Variants in IKZF2 observed in about 807,000 individuals in gnomAD.
IKZF2 encodes the protein zinc finger protein Helios.
A neutral mutation model predicts 49.2 loss-of-function variants in IKZF2; 15 were observed. The observed-to-expected ratio is 0.30, with a 90% CI of 0.20 to 0.47. The LOEUF is 0.47. IKZF2 is among the 20% of genes least tolerant of loss of function. The probability of loss-of-function intolerance (pLI) is 1.00; values close to 1 mark genes in which losing one functional copy is unlikely to be tolerated. For missense variants in IKZF2, 567 were observed against 664.6 expected (o/e 0.85, Z 1.61); for synonymous variants, 227 against 221.4 (o/e 1.03, Z -0.23).
At chr2:213,012,670 A>C (rs568143811) in intron 8 of IKZF2, among the ~76,000 whole-genome samples, 1 of 152,036 alleles carries the variant, frequency 6.6e-6, no homozygotes, top group Non-Finnish European at 1.5e-5. Flanking sequence ...CCCTCCAGCT[A>C]GTCTTAGAGT....
At chr2:213,096,961 T>C (rs1209317516) in intron 4 of IKZF2, among the ~76,000 whole-genome samples, 2 of 151,994 alleles carry the variant, frequency 1.3e-5, no homozygotes, top group Non-Finnish European at 2.9e-5. Flanking sequence ...ATTTATTTCA[T>C]TGATTGGAAA....
chr2:213,067,731 T>C (rs956524781), intron 4 of IKZF2, among the ~76,000 whole-genome samples: 1 of 152,092 alleles, frequency 6.6e-6, no homozygotes, highest in African/African-American at 2.4e-5. Context: ...CCTGCTTTTA[T>C]GGCACTAGTG....
chr2:213,059,424 G>A (rs1259404878), intron 4 of IKZF2, among the ~76,000 whole-genome samples: 1 of 151,610 alleles, frequency 6.6e-6, no homozygotes, highest in Non-Finnish European at 1.5e-5. Flanking sequence ...CATAATCTAA[G>A]TAATTCTTCC....
intron 6 of IKZF2, among the ~76,000 whole-genome samples, chr2:213,030,264 CT>C (rs925121556): frequency 1.1e-4 from 16 of 150,300 alleles, no homozygotes; most frequent in South Asian, 2.1e-4. Context: ...TCCACACCTA[CT>C]TTTTTTTTCT....
At chr2:213,032,307 AATAT>A (rs1377591138) in intron 6 of IKZF2, among the ~76,000 whole-genome samples, 3 of 152,318 alleles carry the variant, frequency 2.0e-5, no homozygotes, top group African/African-American at 7.2e-5. Context: ...CACAATAAAG[AATAT>A]ATCCTGATAA....
Position 213,006,395 on chromosome 2 carries a change from A to T in IKZF2, c.*965T>A, listed in dbSNP as rs906514691. 21 of 152,482 alleles carry T rather than the reference A, an allele frequency of 1.4e-4. No homozygotes were observed. The highest frequency in any genetic ancestry group is 2.6e-4 in the Non-Finnish European group (18 of 67,970). The allele number at this position is 152,482 out of a possible 1,614,324, so 9.4% of individuals were successfully genotyped here. On this transcript the variant is annotated 3_prime_UTR_variant, in exon 9 of 9. Transcript: ENST00000434687. ...TATATTTTTCTGCTGACTGGTTAAC[A>T]CTGATTAAATGCTGATAAAGTGACA...
chr2:213,134,895 C>G (rs1229094782), intron 4 of IKZF2, among the ~76,000 whole-genome samples: 1 of 152,196 alleles, frequency 6.6e-6, no homozygotes, highest in African/African-American at 2.4e-5. Context: ...TCTACTAACT[C>G]AAGTGGAGTC....
At chr2:213,151,951 C>G (rs1205233365), upstream of IKZF2, among the ~76,000 whole-genome samples, 1 of 151,548 alleles carries the variant, frequency 6.6e-6, no homozygotes, top group South Asian at 2.1e-4. Context: ...AGTGCTGCCC[C>G]GGAGGCTCCG....
At chr2:213,151,665 T>C (rs2126006506), upstream of IKZF2, 1 of 150,350 alleles carries the variant, frequency 6.7e-6, no homozygotes, top group South Asian at 1.8e-4. Flanking sequence ...CCCGAGCACA[T>C]CTCCCCCGCC....
intron 4 of IKZF2, among the ~76,000 whole-genome samples, chr2:213,069,691 A>AT (rs538067941): frequency 6.6e-6 from 1 of 152,122 alleles, no homozygotes; most frequent in Non-Finnish European, 1.5e-5. Flanking sequence ...ATGATGAGAC[A>AT]TTTTATGTGC....
rs1219764498 is a variant in IKZF2, at chr2:213,101,476, T to C, written c.140-44377A>G. ...TAAAGAAAACACTAGGAAAGAATTATGATATACAAATTTCCTTCACATTGA... is the reference window on the plus strand; with the variant it reads ...TAAAGAAAACACTAGGAAAGAATTACGATATACAAATTTCCTTCACATTGA... On this transcript the variant is annotated intron_variant, in intron 4 of 8. Coordinates refer to ENST00000434687, the MANE Select transcript of IKZF2 (RefSeq NM_001387220.1). Among the ~76,000 whole-genome samples the C allele has an allele frequency of 3.9e-5, 6 of 152,140 alleles. No individual in the cohort carries two copies. The East Asian group carries it at 1.2e-3, about 29-fold the overall frequency.
chr2:213,026,900 G>T (rs145153741), intron 6 of IKZF2, among the ~76,000 whole-genome samples: 56 of 152,020 alleles, frequency 3.7e-4, no homozygotes, highest in African/African-American at 1.2e-3. Flanking sequence ...TATTCAGTTT[G>T]CTCAGCATTC....
At position 213,150,907 on chromosome 2, in the gene IKZF2, T is replaced by G. The variant is rs993351197; in HGVS notation, c.-120+506A>C. Reference sequence around the variant, plus strand: ...ATGTGTCATACCAGGGTTTTTGGTTTTTTTTTTTTTTTAATTCCAACAGGA... The same window carrying G: ...ATGTGTCATACCAGGGTTTTTGGTTGTTTTTTTTTTTTAATTCCAACAGGA... On this transcript the variant is annotated intron_variant, in intron 1 of 8. Transcript: ENST00000434687. 6.0e-5 allele frequency among the ~76,000 whole-genome samples: 9 copies of G among 151,248 alleles called. No individual in the cohort carries two copies. In the East Asian group the frequency reaches 7.7e-4, roughly 13 times the overall value.
chr2:213,127,315 T>C (rs1036733547), intron 4 of IKZF2, among the ~76,000 whole-genome samples: 8 of 152,214 alleles, frequency 5.3e-5, no homozygotes, highest in African/African-American at 1.9e-4. Context: ...TGACTTTACA[T>C]ACTAATTTCA....
intron 4 of IKZF2, among the ~76,000 whole-genome samples, chr2:213,101,108 G>GA (rs1706609326): frequency 1.3e-5 from 2 of 151,582 alleles, no homozygotes; most frequent in South Asian, 4.2e-4. Context: ...TACCTATGAG[G>GA]AAAAATATTA....
intron 4 of IKZF2, among the ~76,000 whole-genome samples, chr2:213,081,439 G>A (rs886812693): frequency 6.6e-6 from 1 of 152,122 alleles, no homozygotes; most frequent in Admixed American, 6.6e-5. Context: ...TGAGCTCAAA[G>A]TCCAATATAG....
chr2:213,119,701 C>G (rs182849609), intron 4 of IKZF2, among the ~76,000 whole-genome samples: 122 of 152,258 alleles, frequency 8.0e-4, no homozygotes, highest in Non-Finnish European at 4.4e-5. Flanking sequence ...GATGAATGGA[C>G]TTGGGTACTG....
chr2:213,002,653 T>C lies in IKZF2; in HGVS notation c.*4707A>G, dbSNP rs945427344. The C allele has an allele frequency of 6.6e-6, 1 of 151,910 alleles. No homozygotes were observed. Among genetic ancestry groups the C allele is most frequent in the Non-Finnish European group, 1.5e-5 (1 of 67,548 alleles). 9.4% of individuals were successfully genotyped at this position (151,910 alleles called of 1,614,324 possible). ...CCATTTGAGATTATGCTTTGGAGAA[T>C]AGCAATGTGATATGACTGTTCAGTT... On this transcript the variant is annotated 3_prime_UTR_variant, in exon 9 of 9. Coordinates refer to ENST00000434687, the MANE Select transcript of IKZF2 (RefSeq NM_001387220.1).
chr2:213,085,445 G>T (rs569703873), intron 4 of IKZF2, among the ~76,000 whole-genome samples: 1 of 152,028 alleles, frequency 6.6e-6, no homozygotes, highest in Admixed American at 6.6e-5. Context: ...TTTAAACATG[G>T]CTTTGTTTAA....
Sources: allele counts gnomAD v4.1 joint callset (sites outside exome capture counted in the v4.1 genomes callset), GRCh38; gene constraint gnomAD v4.1.1; transcripts MANE v1.5; gene names NCBI Gene and HGNC (gene_info 2026-07-23, HGNC 2026-07-21).